PPWD1: variants seen among roughly 807,000 people sequenced by gnomAD.
PPWD1 encodes peptidylprolyl isomerase domain and WD repeat-containing protein 1.
A neutral mutation model predicts 68.8 loss-of-function variants in PPWD1; 43 were observed. The ratio of observed to expected loss-of-function variants is 0.62; its 90% CI spans 0.49 to 0.81. PPWD1 has a LOEUF of 0.81. Among genes scored for constraint, PPWD1 ranks in the 30% least tolerant of loss-of-function variants. PPWD1 has a pLI of 0.00. For missense variants in PPWD1, 672 were observed against 804.8 expected (o/e 0.83, Z 2.00); for synonymous variants, 232 against 258.7 (o/e 0.90, Z 0.99).
intron 5 of PPWD1, among the ~76,000 whole-genome samples, chr5:65,574,871 G>A (rs987680931): frequency 1.3e-5 from 2 of 152,252 alleles, no homozygotes; most frequent in Non-Finnish European, 2.9e-5. Flanking sequence ...CAAGAAGTCA[G>A]TAGTAGAACT....
intron 6 of PPWD1, 114 bp downstream of exon 6, chr5:65,577,183 A>G: frequency 7.0e-7 from 1 of 1,431,704 alleles, no homozygotes; most frequent in Non-Finnish European, 9.2e-7. Context: ...ATGGCCCCAA[A>G]TGTCTAAACT....
rs1355912571 is a variant in PPWD1, at chr5:65,571,861, TGGATCTATTGCCCAGG to T, written c.549_564del (p.Ile183MetfsTer44). 6.2e-7 allele frequency: 1 copy of T among 1,613,858 alleles called. No individual in the cohort carries two copies. Among genetic ancestry groups the T allele is most frequent in the Non-Finnish European group, 8.5e-7 (1 of 1,179,860 alleles). On this transcript the variant is annotated frameshift_variant, in exon 5 of 11. Coordinates refer to ENST00000261308, the MANE Select transcript of PPWD1 (RefSeq NM_015342.4). LOFTEE classifies it high-confidence loss of function. ...TAGCTATTTTCCTGGACAGTGTGAG[TGGATCTATTGCCCAGG>T]GGATGCAATTTCTTCAGTTGCTGCT...
At chr5:65,565,130 G>A (rs2150587881) in intron 1 of PPWD1, among the ~76,000 whole-genome samples, 1 of 152,184 alleles carries the variant, frequency 6.6e-6, no homozygotes, top group South Asian at 2.1e-4. Flanking sequence ...TTTATTTATG[G>A]CACTTGCCGC....
At position 65,583,024 on chromosome 5, in the gene PPWD1, CT is replaced by C. The variant is rs748342973; in HGVS notation, c.1351-11del. 1.3e-4 allele frequency: 195 copies of C among 1,526,212 alleles called. No individual in the cohort carries two copies. The highest frequency in any genetic ancestry group is 1.7e-4 in the Non-Finnish European group (190 of 1,135,030). The allele number at this position is 1,526,212 out of a possible 1,614,324, so 94.5% of individuals were successfully genotyped here. A position where few individuals can be genotyped will look rare whatever the true frequency, so the allele number is the denominator to read the frequency against. On this transcript the variant is annotated splice_polypyrimidine_tract_variant and intron_variant, in intron 7 of 10. Coordinates refer to ENST00000261308, the MANE Select transcript of PPWD1 (RefSeq NM_015342.4). ...CTTTAATTCGTTGACTCACTTTTTA[CT>C]TTCCTCCTTGAGTTTACCAAACGAG...
intron 2 of PPWD1, chr5:65,567,870 T>G: frequency 2.1e-6 from 1 of 467,576 alleles, no homozygotes; most frequent in Non-Finnish European, 3.1e-6. Context: ...GTGTCTGAGC[T>G]TCCCTGAAGA....
Position 65,583,054 on chromosome 5 carries a change from C to A in PPWD1, c.1367C>A (p.Pro456Gln). 6.3e-7 allele frequency: 1 copy of A among 1,588,704 alleles called. No individual in the cohort carries two copies. The highest frequency in any genetic ancestry group is 8.6e-7 in the Non-Finnish European group (1 of 1,168,038). Reference protein sequence around the residue: ...NRFYMFTKREPEDTKSADSDR... With the variant: ...NRFYMFTKREQEDTKSADSDR... ...CTCCTTGAGTTTACCAAACGAGAACCAGAAGATACGAAAAGTGCAGATTCT... is the reference window on the plus strand; with the variant it reads ...CTCCTTGAGTTTACCAAACGAGAACAAGAAGATACGAAAAGTGCAGATTCT... Residue 456 changes from proline (P) to glutamine (Q), a missense_variant, in exon 8 of 11, where the codon CCA becomes CAA. Pro to Gln is a moderately conservative substitution (Grantham distance 76, BLOSUM62 -1). Around this residue, in one of 2 missense-constraint regions of PPWD1, gnomAD observed 484 missense variants for 646.2 expected, o/e 0.75. Coordinates refer to ENST00000261308, the MANE Select transcript of PPWD1 (RefSeq NM_015342.4).
At chr5:65,563,572 C>T in intron 1 of PPWD1, 66 bp downstream of exon 1, 3 of 1,518,404 alleles carry the variant, frequency 2.0e-6, no homozygotes, top group Non-Finnish European at 2.7e-6. Flanking sequence ...GGGTTCAAGC[C>T]AGATCCGAAG....
chr5:65,563,630 CTCACT>C, intron 1 of PPWD1, 124 bp downstream of exon 1: 1 of 1,302,576 alleles, frequency 7.7e-7, no homozygotes, highest in South Asian at 1.6e-5. Flanking sequence ...GGGCCGTCCT[CTCACT>C]TCTGGCTACT....
chr5:65,565,179 G>A (rs1752691148), intron 1 of PPWD1, among the ~76,000 whole-genome samples: 1 of 152,186 alleles, frequency 6.6e-6, no homozygotes, highest in East Asian at 1.9e-4. Flanking sequence ...ATTGATGAAT[G>A]TTTCTCTCCA....
chr5:65,565,399 T>C (rs1205183752), intron 1 of PPWD1, among the ~76,000 whole-genome samples: 1 of 152,240 alleles, frequency 6.6e-6, no homozygotes, highest in East Asian at 1.9e-4. Flanking sequence ...ATCGAAATGC[T>C]GATATTAGTG....
In PPWD1 at chr5:65,574,526, C is replaced by T. The variant is rs973459319; in HGVS notation, c.969+2240C>T. Among the ~76,000 whole-genome samples the T allele has an allele frequency of 3.7e-5, 5 of 133,958 alleles. No individual in the cohort carries two copies. The Admixed American group carries it at 4.2e-4, about 11-fold the overall frequency. The allele number at this position is 133,958 out of a possible 152,430, so 87.9% of individuals were successfully genotyped here. On this transcript the variant is annotated intron_variant, in intron 5 of 10. Coordinates refer to ENST00000261308, the MANE Select transcript of PPWD1 (RefSeq NM_015342.4). ...GGCCGGACTGCGGACTGTAGTGGCTCAATCGCGGCTCACTGCAAGCTCCGC... is the reference window on the plus strand; with the variant it reads ...GGCCGGACTGCGGACTGTAGTGGCTTAATCGCGGCTCACTGCAAGCTCCGC...
rs924823484 is a variant in PPWD1 at position 65,574,703 on chromosome 5, T to A, written c.970-2176T>A. ...TGGTCTCGATCTCCTGACCTCATGA[T>A]CCACCCGCCTCGGCCTCCCAAAGTG... is the stretch of plus-strand genomic sequence containing the variant. On this transcript the variant is annotated intron_variant, in intron 5 of 10. Coordinates refer to ENST00000261308, the MANE Select transcript of PPWD1 (RefSeq NM_015342.4). Among the ~76,000 whole-genome samples, 19 of 152,042 alleles carry A rather than the reference T, an allele frequency of 1.2e-4. 1 individual carries two copies. Among genetic ancestry groups the A allele is most frequent in the African/African-American group, 4.6e-4 (19 of 41,378 alleles).
At chr5:65,571,713 CT>C in intron 4 of PPWD1, 125 bp from the exon 5 acceptor site, 1 of 1,419,492 alleles carries the variant, frequency 7.0e-7, no homozygotes, top group South Asian at 1.5e-5. Context: ...GTCTCTGCTA[CT>C]TTTGAGCAAG....
chr5:65,563,729 T>G (rs1752461960), intron 1 of PPWD1: 5 of 1,425,196 alleles, frequency 3.5e-6, no homozygotes, highest in South Asian at 2.4e-5. Flanking sequence ...TGATCATTGA[T>G]TTGTTATGAC....
In PPWD1 at chr5:65,572,272, G is replaced by A. The variant is rs1451346822; in HGVS notation, c.955G>A (p.Asp319Asn). 1 of 1,608,798 alleles carries A rather than the reference G, an allele frequency of 6.2e-7. No individual in the cohort carries two copies. The change falls in exon 5 of 11, where the codon GAT becomes AAT. Residue 319 changes from aspartate (D) to asparagine (N), a missense_variant. Physicochemically the swap from Asp to Asn is conservative, Grantham distance 23 (BLOSUM62 1). Around this residue, in one of 2 missense-constraint regions of PPWD1, gnomAD observed 484 missense variants for 646.2 expected, o/e 0.75. Coordinates refer to ENST00000261308, the MANE Select transcript of PPWD1 (RefSeq NM_015342.4). ...FVTGKLMRVFDESLSMFTELQ... is the reference protein window; with the variant it reads ...FVTGKLMRVFNESLSMFTELQ... ...AACTGGAAAACTCATGAGAGTCTTT[G>A]ATGAATCACTAAGCGTAAGTGTAAT...
At chr5:65,586,255 G>C (rs1414745442) in intron 10 of PPWD1, 74 bp downstream of exon 10, 4 of 1,368,460 alleles carry the variant, frequency 2.9e-6, no homozygotes, top group Non-Finnish European at 4.0e-6. Flanking sequence ...CAGTAGAAGA[G>C]CTGCATTATT....
chr5:65,572,060 A>C lies in PPWD1; in HGVS notation c.743A>C (p.Glu248Ala), dbSNP rs368185365. 6.2e-7 allele frequency: 1 copy of C among 1,613,962 alleles called. No individual in the cohort carries two copies. The highest frequency in any genetic ancestry group is 8.5e-7 in the Non-Finnish European group (1 of 1,179,832). The change falls in exon 5 of 11, where the codon GAA (glutamate) becomes GCA (alanine). Residue 248 changes from glutamate to alanine, a missense_variant. This residue lies in a region of PPWD1 where 484 missense variants were observed against 646.2 expected (regional missense o/e 0.75). Transcript: ENST00000261308. Reference protein sequence around the residue: ...VVSSDKSGMIEYWTGPPHEYK... With the variant: ...VVSSDKSGMIAYWTGPPHEYK... Reference sequence around the variant, plus strand: ...TCTTCTGACAAATCTGGGATGATTGAATACTGGACTGGGCCTCCTCATGAA... The same window carrying C: ...TCTTCTGACAAATCTGGGATGATTGCATACTGGACTGGGCCTCCTCATGAA...
At position 65,569,678 on chromosome 5, in the gene PPWD1, T is replaced by C. The variant is rs1187554830; in HGVS notation, c.346T>C (p.Trp116Arg). Residue 116 changes from tryptophan (W) to arginine (R), a missense_variant, in exon 3 of 11, where the codon TGG (tryptophan) becomes CGG (arginine). Trp to Arg is a moderately radical substitution (Grantham distance 101). This residue lies in a region of PPWD1 where 188 missense variants were observed against 158.6 expected (regional missense o/e 1.19). Transcript: ENST00000261308. ...CAGTCATGATGGACATGTCAAGTTC[T>C]GGAAAAAAATAGAAGAGGGAATTGA... ...TASHDGHVKF[W>R]KKIEEGIEFV... The C allele has an allele frequency of 6.2e-7, 1 of 1,608,582 alleles. No individual in the cohort carries two copies. Among genetic ancestry groups the C allele is most frequent in the Non-Finnish European group, 8.5e-7 (1 of 1,176,266 alleles).
At chr5:65,585,135 A>G in intron 9 of PPWD1, 40 bp downstream of exon 9, 1 of 1,536,444 alleles carries the variant, frequency 6.5e-7, no homozygotes, top group Non-Finnish European at 9.0e-7. Context: ...GAAATACTGT[A>G]TTATTACATA....
Sources: gnomAD v4.1 joint callset for allele counts (sites outside exome capture counted in the v4.1 genomes callset) on GRCh38, gnomAD v4.1.1 for gene constraint, gnomAD v4.1.1 regional missense constraint, MANE v1.5 for transcripts, NCBI Gene and HGNC (gene_info 2026-07-23, HGNC 2026-07-21) for gene names.